The following RORA variants were observed in gnomAD, a reference collection of about 807,000 sequenced individuals.
RORA encodes the protein RAR related orphan receptor A, also known as nuclear receptor ROR-alpha.
A neutral mutation model predicts 69.5 loss-of-function variants in RORA; 7 were observed. That is an observed-to-expected ratio of 0.10 (90% confidence interval 0.06 to 0.19). The LOEUF (loss-of-function observed/expected upper bound fraction) is 0.19, where lower values mean the gene tolerates loss of function less well. Ranked by LOEUF, RORA falls within the 10% of genes least tolerant of loss-of-function variation. RORA has a pLI of 1.00. For synonymous variants in RORA, 261 were observed against 240.8 expected (o/e 1.08, Z -0.78); for missense variants, 457 against 663.0 (o/e 0.69, Z 3.41).
chr15:60,942,789 G>C (rs1892740226), intron 1 of RORA, among the ~76,000 whole-genome samples: 2 of 152,188 alleles, frequency 1.3e-5, no homozygotes, highest in Admixed American at 1.3e-4. Flanking sequence ...CATACCCTGG[G>C]ATGGAGGTGG....
At chr15:60,663,870 C>T (rs1317342596) in intron 2 of RORA, among the ~76,000 whole-genome samples, 1 of 152,192 alleles carries the variant, frequency 6.6e-6, no homozygotes, top group Non-Finnish European at 1.5e-5. Context: ...TTCTACATTT[C>T]AGTGGCATAA....
intron 1 of RORA, among the ~76,000 whole-genome samples, chr15:60,759,214 C>G (rs1157670121): frequency 6.6e-6 from 1 of 152,178 alleles, no homozygotes; most frequent in Non-Finnish European, 1.5e-5. Flanking sequence ...AAATATTCCC[C>G]AAGGAGAGCC....
intron 1 of RORA, among the ~76,000 whole-genome samples, chr15:60,851,638 C>T (rs1352857809): frequency 1.3e-5 from 2 of 152,058 alleles, no homozygotes; most frequent in African/African-American, 2.4e-5. Context: ...CCATGTAAAT[C>T]TTGGCATTTA....
At chr15:61,058,554 C>A (rs2280594) in intron 1 of RORA, among the ~76,000 whole-genome samples, 2 of 151,936 alleles carry the variant, frequency 1.3e-5, no homozygotes, top group Non-Finnish European at 2.9e-5. Flanking sequence ...ATCTGAAGAA[C>A]GTCAGGAAAG....
At chr15:60,723,118 T>G (rs1314065833) in intron 1 of RORA, among the ~76,000 whole-genome samples, 3 of 152,142 alleles carry the variant, frequency 2.0e-5, no homozygotes, top group African/African-American at 7.2e-5. Context: ...TAAAAATACA[T>G]AAGAATTTTA....
At chr15:60,948,152 T>C (rs74019958) in intron 1 of RORA, among the ~76,000 whole-genome samples, 1,599 of 152,050 alleles carry the variant, frequency 0.011, 29 homozygotes, top group African/African-American at 0.036. Context: ...TAAAAGACAT[T>C]TGGGAAAGGG....
chr15:61,155,185 A>G (rs145530703), intron 1 of RORA, among the ~76,000 whole-genome samples: 1 of 152,240 alleles, frequency 6.6e-6, no homozygotes, highest in African/African-American at 2.4e-5. Context: ...CAATGTATAC[A>G]TGCATTAAAA....
intron 1 of RORA, among the ~76,000 whole-genome samples, chr15:60,963,775 G>A (rs1893477785): frequency 1.3e-5 from 2 of 152,354 alleles, no homozygotes; most frequent in Non-Finnish European, 2.9e-5. Flanking sequence ...GCAGACAGGT[G>A]TGGATTTCAG....
intron 3 of RORA, among the ~76,000 whole-genome samples, chr15:60,523,266 T>A (rs2066237593): frequency 6.6e-6 from 1 of 152,204 alleles, no homozygotes; most frequent in South Asian, 2.1e-4. Flanking sequence ...TTCTTAGTCA[T>A]TAATGTAAAC....
chr15:61,052,738 T>C (rs748656841), intron 1 of RORA, among the ~76,000 whole-genome samples: 1 of 152,194 alleles, frequency 6.6e-6, no homozygotes, highest in Non-Finnish European at 1.5e-5. Context: ...TCTTGATTGG[T>C]ATTATACAGT....
intron 1 of RORA, among the ~76,000 whole-genome samples, chr15:61,169,096 A>T (rs1372379155): frequency 1.4e-5 from 2 of 143,640 alleles, no homozygotes; most frequent in Non-Finnish European, 3.1e-5. Context: ...GCATAAGAAC[A>T]CTCCTGAAGG....
chr15:60,904,435 G>A (rs548203733), intron 1 of RORA, among the ~76,000 whole-genome samples: 1 of 152,330 alleles, frequency 6.6e-6, no homozygotes, highest in African/African-American at 2.4e-5. Flanking sequence ...ACTGCAGGCA[G>A]AAGTCAGGAG....
intron 1 of RORA, among the ~76,000 whole-genome samples, chr15:60,815,990 A>ATGTATT (rs1447463996): frequency 2.1e-4 from 29 of 139,736 alleles, no homozygotes; most frequent in African/African-American, 6.0e-4. Flanking sequence ...TAAATAGTAT[A>ATGTATT]TATATACTAT....
At chr15:60,968,459 A>G (rs1893619075) in intron 1 of RORA, among the ~76,000 whole-genome samples, 1 of 152,070 alleles carries the variant, frequency 6.6e-6, no homozygotes, top group African/African-American at 2.4e-5. Context: ...TGGTTTGGGG[A>G]CCATACTTTG....
At chr15:61,197,891 C>G (rs1201979929) in intron 1 of RORA, among the ~76,000 whole-genome samples, 1 of 103,544 alleles carries the variant, frequency 9.7e-6, no homozygotes, top group Admixed American at 8.8e-5. Flanking sequence ...AGGGAAGATC[C>G]CTCCCAGGGG....
chr15:61,114,168 C>CT (rs904473053), intron 1 of RORA, among the ~76,000 whole-genome samples: 19 of 151,528 alleles, frequency 1.3e-4, no homozygotes, highest in Non-Finnish European at 2.2e-4. Context: ...ACTGGAGAGA[C>CT]TTTTTTTTTA....
chr15:60,940,710 G>A (rs1210505572), intron 1 of RORA, among the ~76,000 whole-genome samples: 1 of 152,146 alleles, frequency 6.6e-6, no homozygotes, highest in Non-Finnish European at 1.5e-5. Flanking sequence ...GGTGGATCAC[G>A]AGGTCAGAAG....
intron 1 of RORA, among the ~76,000 whole-genome samples, chr15:60,729,910 A>T (rs917224870): frequency 4.6e-5 from 7 of 152,170 alleles, no homozygotes; most frequent in African/African-American, 1.7e-4. Context: ...GTTTTTTTAA[A>T]AATTGCTAGA....
At chr15:60,750,240 C>T (rs1483260737) in intron 1 of RORA, among the ~76,000 whole-genome samples, 2 of 152,218 alleles carry the variant, frequency 1.3e-5, no homozygotes, top group South Asian at 2.1e-4. Context: ...ACTCCAAAGC[C>T]TAGGAGACCC....
Sources: gnomAD v4.1 joint callset for allele counts (sites outside exome capture counted in the v4.1 genomes callset) on GRCh38, gnomAD v4.1.1 for gene constraint, MANE v1.5 for transcripts, NCBI Gene and HGNC (gene_info 2026-07-23, HGNC 2026-07-21) for gene names.